RBFOX1: variants seen among roughly 807,000 people sequenced by gnomAD.
The protein encoded by RBFOX1 is RNA binding fox-1 homolog 1, also known as RNA binding protein fox-1 homolog 1.
In RBFOX1, 8 loss-of-function variants were observed where a neutral mutation model predicts 57.7. The observed-to-expected ratio is 0.14, with a 90% CI of 0.08 to 0.25. The LOEUF is 0.25. Among genes scored for constraint, RBFOX1 ranks in the 10% least tolerant of loss-of-function variants. The pLI is 1.00. For synonymous variants in RBFOX1, 326 were observed against 222.4 expected (o/e 1.47, Z -4.15); for missense variants, 611 against 548.5 (o/e 1.11, Z -1.14).
chr16:6,795,101 G>C (rs989610943), intron 3 of RBFOX1, among the ~76,000 whole-genome samples: 1 of 151,968 alleles, frequency 6.6e-6, no homozygotes, highest in Non-Finnish European at 1.5e-5. Flanking sequence ...TCCATTTCTG[G>C]GTATATTTTA....
intron 3 of RBFOX1, among the ~76,000 whole-genome samples, chr16:5,843,804 C>T (rs971039495): frequency 3.8e-4 from 58 of 152,298 alleles, no homozygotes; most frequent in African/African-American, 1.3e-3. Context: ...AGCCTGAACG[C>T]TTTCCACTCT....
At chr16:7,545,722 G>A (rs1033885152) in intron 5 of RBFOX1, among the ~76,000 whole-genome samples, 1 of 152,090 alleles carries the variant, frequency 6.6e-6, no homozygotes, top group African/African-American at 2.4e-5. Context: ...CTTTCCGAAT[G>A]TTCTTTCCAG....
intron 2 of RBFOX1, among the ~76,000 whole-genome samples, chr16:5,507,903 G>C (rs2043433988): frequency 6.6e-6 from 1 of 152,122 alleles, no homozygotes; most frequent in Non-Finnish European, 1.5e-5. Flanking sequence ...CCATCTTAGA[G>C]TTCTGCCCTC....
At chr16:6,099,838 A>C (rs1322671570) in intron 1 of RBFOX1, among the ~76,000 whole-genome samples, 3 of 152,196 alleles carry the variant, frequency 2.0e-5, no homozygotes, top group Non-Finnish European at 4.4e-5. Context: ...ACCCTAATTT[A>C]AGAGAACATG....
chr16:6,147,803 C>T (rs930810156), intron 1 of RBFOX1, among the ~76,000 whole-genome samples: 3 of 152,218 alleles, frequency 2.0e-5, no homozygotes, highest in African/African-American at 4.8e-5. Flanking sequence ...AAAACCTAGG[C>T]ATTATGATTG....
At chr16:5,376,242 C>T (rs377439693) in intron 1 of RBFOX1, among the ~76,000 whole-genome samples, 1 of 151,932 alleles carries the variant, frequency 6.6e-6, no homozygotes, top group African/African-American at 2.4e-5. Context: ...AGTGCTGGAG[C>T]CCAGACGGTG....
At chr16:7,598,960 C>T (rs2094861819) in intron 9 of RBFOX1, among the ~76,000 whole-genome samples, 1 of 152,152 alleles carries the variant, frequency 6.6e-6, no homozygotes, top group South Asian at 2.1e-4. Flanking sequence ...ACCAATTTGA[C>T]AGTCAGTTTG....
chr16:5,716,209 G>C (rs922207051), intron 3 of RBFOX1, among the ~76,000 whole-genome samples: 1 of 152,112 alleles, frequency 6.6e-6, no homozygotes, highest in Non-Finnish European at 1.5e-5. Flanking sequence ...TTTGGTTGGC[G>C]TGAAAGTAAT....
intron 1 of RBFOX1, among the ~76,000 whole-genome samples, chr16:5,377,178 G>T (rs1483927967): frequency 6.6e-6 from 1 of 151,672 alleles, no homozygotes; most frequent in East Asian, 1.9e-4. Context: ...GATAAGCCTG[G>T]GGATGCAAGT....
chr16:7,646,408 TTG>T (rs2063748909), intron 11 of RBFOX1, among the ~76,000 whole-genome samples: 1 of 152,184 alleles, frequency 6.6e-6, no homozygotes, highest in Non-Finnish European at 1.5e-5. Flanking sequence ...ACCCCCAGAA[TTG>T]TGTAAGTGAA....
chr16:7,110,798 T>C (rs923960885), intron 4 of RBFOX1, among the ~76,000 whole-genome samples: 1 of 152,202 alleles, frequency 6.6e-6, no homozygotes, highest in Non-Finnish European at 1.5e-5. Flanking sequence ...GAGAAAATTT[T>C]AGTGACTAAA....
chr16:6,945,416 T>G (rs570084273), intron 3 of RBFOX1, among the ~76,000 whole-genome samples: 30 of 152,206 alleles, frequency 2.0e-4, no homozygotes, highest in African/African-American at 7.2e-4. Flanking sequence ...CATGCAGGAA[T>G]GTAGATCCAA....
intron 4 of RBFOX1, among the ~76,000 whole-genome samples, chr16:7,114,672 C>T (rs977146707): frequency 2.0e-5 from 3 of 152,194 alleles, no homozygotes; most frequent in African/African-American, 7.2e-5. Context: ...CCTTCTTCCC[C>T]TGCCTCTCTG....
chr16:7,292,605 A>G (rs1445914129), intron 4 of RBFOX1, among the ~76,000 whole-genome samples: 1 of 150,918 alleles, frequency 6.6e-6, no homozygotes, highest in Non-Finnish European at 1.5e-5. Context: ...AGGGTATAGG[A>G]GGTAAGAGAC....
At chr16:7,471,446 T>C (rs541248786) in intron 4 of RBFOX1, among the ~76,000 whole-genome samples, 1 of 152,352 alleles carries the variant, frequency 6.6e-6, no homozygotes, top group Admixed American at 6.5e-5. Flanking sequence ...GATGTTACCA[T>C]GACTCATTTT....
At chr16:5,510,838 G>A (rs1310768116) in intron 2 of RBFOX1, among the ~76,000 whole-genome samples, 1 of 152,068 alleles carries the variant, frequency 6.6e-6, no homozygotes. Flanking sequence ...CCACCCATTA[G>A]ATGCCATCTG....
At chr16:7,368,567 A>C (rs534163995) in intron 4 of RBFOX1, among the ~76,000 whole-genome samples, 2 of 152,152 alleles carry the variant, frequency 1.3e-5, no homozygotes, top group East Asian at 3.9e-4. Context: ...TCATGAGGTC[A>C]GGAGATCAAG....
At chr16:6,644,640 C>G (rs774450440) in intron 2 of RBFOX1, among the ~76,000 whole-genome samples, 1 of 152,166 alleles carries the variant, frequency 6.6e-6, no homozygotes, top group African/African-American at 2.4e-5. Flanking sequence ...CTTCTCATGA[C>G]AAGTCTAAGC....
chr16:6,611,579 C>T (rs1887008788), intron 2 of RBFOX1, among the ~76,000 whole-genome samples: 1 of 152,204 alleles, frequency 6.6e-6, no homozygotes, highest in Admixed American at 6.5e-5. Context: ...CCACAGTGAG[C>T]ATGGTTTTTC....
Sources: gnomAD v4.1 joint callset for allele counts (sites outside exome capture counted in the v4.1 genomes callset) on GRCh38, gnomAD v4.1.1 for gene constraint, MANE v1.5 for transcripts, NCBI Gene and HGNC (gene_info 2026-07-23, HGNC 2026-07-21) for gene names.